Variants in OCA2 observed in about 807,000 individuals in gnomAD.
The protein encoded by OCA2 is P protein.
Under a neutral mutation model 100.2 loss-of-function variants are expected in OCA2, and 77 were observed. That is an observed-to-expected ratio of 0.77 (90% CI 0.64 to 0.93). The LOEUF is 0.93. OCA2 is among the 40% of genes least tolerant of loss of function. OCA2 has a pLI of 0.00. For synonymous variants in OCA2, 432 were observed against 439.2 expected, an observed-to-expected ratio of 0.98 and a Z score of 0.21; for missense variants, 1,062 against 1,089.1, an observed-to-expected ratio of 0.98 and a Z score of 0.35.
intron 19 of OCA2, among the ~76,000 whole-genome samples, chr15:27,880,464 T>C (rs1434352055): frequency 2.0e-5 from 3 of 152,110 alleles, no homozygotes; most frequent in Non-Finnish European, 2.9e-5. Context: ...ATTTTCACAA[T>C]ATTGATTCTT....
chr15:27,885,857 G>A (rs1393625131), intron 19 of OCA2, among the ~76,000 whole-genome samples: 1 of 152,168 alleles, frequency 6.6e-6, no homozygotes, highest in African/African-American at 2.4e-5. Context: ...TTATATTCTG[G>A]TGAAGGGAGA....
intron 23 of OCA2, among the ~76,000 whole-genome samples, chr15:27,827,225 C>G (rs548785997): frequency 6.6e-6 from 1 of 152,166 alleles, no homozygotes; most frequent in Admixed American, 6.5e-5. Flanking sequence ...TGGAAAGCAT[C>G]GAGTCATGCA....
At chr15:27,807,027 G>A (rs955851858) in intron 23 of OCA2, among the ~76,000 whole-genome samples, 1 of 152,022 alleles carries the variant, frequency 6.6e-6, no homozygotes, top group African/African-American at 2.4e-5. Context: ...CGAAAAACAC[G>A]TGCTCTGGAC....
chr15:27,983,743 A>G (rs972335173), intron 13 of OCA2, among the ~76,000 whole-genome samples: 1 of 151,676 alleles, frequency 6.6e-6, no homozygotes, highest in Non-Finnish European at 1.5e-5. Context: ...CCCTTTCCCC[A>G]ATGCTCCCAG....
At chr15:28,022,681 G>A in intron 5 of OCA2, 108 bp from the exon 6 acceptor site, 1 of 790,020 alleles carries the variant, frequency 1.3e-6, no homozygotes. Flanking sequence ...GCTACTGTGT[G>A]CATCCAGTAC....
At chr15:27,739,600 C>A in the OCA2 span, among the ~76,000 whole-genome samples, 3 of 152,072 alleles carry the variant, frequency 2.0e-5, no homozygotes, top group South Asian at 6.2e-4. Context: ...CGCCCACCAC[C>A]ATGCCTGGCT....
intron 2 of OCA2, among the ~76,000 whole-genome samples, chr15:28,079,258 A>G (rs2044535651): frequency 6.6e-6 from 1 of 151,734 alleles, no homozygotes; most frequent in Non-Finnish European, 1.5e-5. Context: ...CACCTATGGT[A>G]GATTCAAAGA....
intron 18 of OCA2, among the ~76,000 whole-genome samples, chr15:27,927,895 G>T (rs967296294): frequency 4.1e-5 from 6 of 146,046 alleles, no homozygotes; most frequent in African/African-American, 1.3e-4. Flanking sequence ...AGATTCAAGT[G>T]ATGTTCCTGC....
At chr15:28,059,919 T>A (rs1212080188) in intron 2 of OCA2, among the ~76,000 whole-genome samples, 1 of 152,238 alleles carries the variant, frequency 6.6e-6, no homozygotes, top group Admixed American at 6.5e-5. Flanking sequence ...ATGTACACAT[T>A]CATTCAAGCC....
intron 2 of OCA2, among the ~76,000 whole-genome samples, chr15:28,054,206 GTGTGTATGTA>G (rs1422680974): frequency 6.7e-6 from 1 of 150,354 alleles, no homozygotes; most frequent in East Asian, 1.9e-4. Flanking sequence ...ACACATGTAT[GTGTGTATGTA>G]TGTGTATGTG....
chr15:27,843,605 C>A (rs1249165554), intron 23 of OCA2, among the ~76,000 whole-genome samples: 1 of 152,148 alleles, frequency 6.6e-6, no homozygotes, highest in Non-Finnish European at 1.5e-5. Context: ...CAGCGATATG[C>A]CCAGAGTCCC....
chr15:27,998,623 T>C (rs1157460191), intron 9 of OCA2, among the ~76,000 whole-genome samples: 1 of 142,074 alleles, frequency 7.0e-6, no homozygotes, highest in Admixed American at 7.2e-5. Flanking sequence ...AGTTCAACCA[T>C]TGTGGAAGTC....
intron 23 of OCA2, among the ~76,000 whole-genome samples, chr15:27,820,690 C>T (rs1394895517): frequency 6.6e-6 from 1 of 152,082 alleles, no homozygotes; most frequent in Non-Finnish European, 1.5e-5. Flanking sequence ...AAGTGTGCAC[C>T]TTAGTTAATT....
At chr15:27,809,128 C>A (rs1183035940) in intron 23 of OCA2, among the ~76,000 whole-genome samples, 2 of 152,212 alleles carry the variant, frequency 1.3e-5, no homozygotes, top group Non-Finnish European at 2.9e-5. Flanking sequence ...TGGGCTTCTT[C>A]CTGTGTGCTT....
chr15:27,951,275 T>C (rs974251520), intron 18 of OCA2, among the ~76,000 whole-genome samples: 31 of 152,126 alleles, frequency 2.0e-4, no homozygotes, highest in Non-Finnish European at 5.9e-5. Flanking sequence ...GAGAAACCAA[T>C]GGTGGACGGT....
At chr15:27,749,018 A>C in the OCA2 span, among the ~76,000 whole-genome samples, 8 of 152,268 alleles carry the variant, frequency 5.3e-5, no homozygotes, top group African/African-American at 1.9e-4. Context: ...CTGGAGTTCT[A>C]GAAGAAGAAA....
the OCA2 span, among the ~76,000 whole-genome samples, chr15:27,719,715 A>C: frequency 6.6e-6 from 1 of 152,182 alleles, no homozygotes; most frequent in Non-Finnish European, 1.5e-5. Context: ...ATAACTTAAT[A>C]CCACAAAGTG....
At chr15:27,934,754 T>C (rs2703956) in intron 18 of OCA2, among the ~76,000 whole-genome samples, 81,092 of 152,080 alleles carry the variant, frequency 0.53, 25,309 homozygotes, top group African/African-American at 0.83. Flanking sequence ...AAACTCCTGC[T>C]ATAGCACTCA....
At chr15:28,032,006 A>G in intron 3 of OCA2, 59 bp downstream of exon 3, 1 of 1,292,160 alleles carries the variant, frequency 7.7e-7, no homozygotes, top group South Asian at 1.2e-5. Context: ...TCTCCAGCAT[A>G]CATGCCAGGT....
Sources: allele counts gnomAD v4.1 joint callset (sites outside exome capture counted in the v4.1 genomes callset), GRCh38; gene constraint gnomAD v4.1.1; transcripts MANE v1.5; gene names NCBI Gene and HGNC (gene_info 2026-07-23, HGNC 2026-07-21).